Variants in SNX5 observed in about 807,000 individuals in gnomAD.
The protein encoded by SNX5 is sorting nexin-5.
Under a neutral mutation model 53.9 loss-of-function variants are expected in SNX5, and 31 were observed. The observed-to-expected ratio is 0.58, with a 90% CI of 0.43 to 0.78. SNX5 has a LOEUF of 0.78. Among genes scored for constraint, SNX5 ranks in the 30% least tolerant of loss-of-function variants. The pLI is 0.00. For synonymous variants in SNX5, 168 were observed against 171.1 expected (o/e 0.98, Z 0.14); for missense variants, 471 against 478.8 (o/e 0.98, Z 0.15).
chr20:17,954,706 T>C (rs893810592), intron 3 of SNX5, among the ~76,000 whole-genome samples: 8 of 152,156 alleles, frequency 5.3e-5, no homozygotes, highest in African/African-American at 1.9e-4. Context: ...AACTGCCTCC[T>C]TGAGCACTTT....
intron 1 of SNX5, among the ~76,000 whole-genome samples, chr20:17,965,086 T>C (rs886136314): frequency 6.6e-6 from 1 of 152,148 alleles, no homozygotes; most frequent in Non-Finnish European, 1.5e-5. Context: ...ACCTGAAAAA[T>C]TCGCAACAAG....
intron 11 of SNX5, chr20:17,945,051 CTCCT>C (rs1462618125): frequency 6.6e-6 from 1 of 152,236 alleles, no homozygotes; most frequent in Non-Finnish European, 1.5e-5. Flanking sequence ...CAGACTCACC[CTCCT>C]TCCTGTCTCT....
At chr20:17,949,743 G>C (rs918106340) in intron 8 of SNX5, among the ~76,000 whole-genome samples, 1 of 152,010 alleles carries the variant, frequency 6.6e-6, no homozygotes. Flanking sequence ...ATGTTCTCAG[G>C]ATCTCCTGAG....
intron 4 of SNX5, among the ~76,000 whole-genome samples, chr20:17,953,501 T>C (rs556196598): frequency 1.3e-5 from 2 of 152,342 alleles, no homozygotes; most frequent in South Asian, 4.1e-4. Flanking sequence ...CTATTTGGCC[T>C]GGCCCAGGGG....
intron 1 of SNX5, among the ~76,000 whole-genome samples, chr20:17,959,488 G>A (rs1334944880): frequency 1.3e-5 from 2 of 151,934 alleles, no homozygotes; most frequent in African/African-American, 2.4e-5. Context: ...ATTTTGCCCA[G>A]ACATTTCGCC....
At chr20:17,956,909 G>T in intron 2 of SNX5, 24 bp downstream of exon 2, 4 of 1,147,266 alleles carry the variant, frequency 3.5e-6, no homozygotes, top group Non-Finnish European at 5.3e-6. Flanking sequence ...AGCACTGTAT[G>T]TATTACCACT....
In SNX5 at chr20:17,948,882, C is replaced by A. The variant is rs373454509; in HGVS notation, c.918+8G>T. 5 of 1,610,586 alleles carry A rather than the reference C, an allele frequency of 3.1e-6. No homozygotes were observed. The African/African-American group carries it at 5.3e-5, about 17-fold the overall frequency. On this transcript the variant is annotated splice_region_variant and intron_variant, in intron 10 of 12. Coordinates refer to ENST00000377759, the MANE Select transcript of SNX5 (RefSeq NM_014426.4). ...CTGCTCTGAGAAGCTGAGCAACTCT[C>A]TTCCTACCTTAGCAGCTTCAATGTT...
Position 17,955,781 on chromosome 20 carries a change from CTTTTT to C in SNX5, c.157-311_157-307del, listed in dbSNP as rs142812581. Among the ~76,000 whole-genome samples, 1,371 of 152,040 alleles carry C rather than the reference CTTTTT, an allele frequency of 9.0e-3. 41 individuals carry two copies. In the East Asian group the frequency reaches 0.11, roughly 12 times the overall value. On this transcript the variant is annotated intron_variant, in intron 2 of 12. Coordinates refer to ENST00000377759, the MANE Select transcript of SNX5 (RefSeq NM_014426.4). ...AATTCTATTTTTTTGTTTCTGTGTACTTTTTTTTGTTTATATACATTTTTGGGACA... is the reference window on the plus strand; with the variant it reads ...AATTCTATTTTTTTGTTTCTGTGTACTTTGTTTATATACATTTTTGGGACA...
At chr20:17,942,912 A>AAAGG (rs1555785733) in intron 12 of SNX5, 198 bp downstream of exon 12, 84 of 464,144 alleles carry the variant, frequency 1.8e-4, no homozygotes, top group Middle Eastern at 6.0e-4. Context: ...AAAAAAAAAA[A>AAAGG]GTTGCTAAAA....
chr20:17,947,316 G>C, intron 11 of SNX5, 170 bp downstream of exon 11: 1 of 638,082 alleles, frequency 1.6e-6, no homozygotes, highest in Non-Finnish European at 2.6e-6. Context: ...ACGTTTGTAA[G>C]CACGCAAAGC....
At chr20:17,962,904 T>G (rs369110595) in intron 1 of SNX5, 10 of 518,892 alleles carry the variant, frequency 1.9e-5, no homozygotes, top group Non-Finnish European at 3.1e-5. Flanking sequence ...AGAAGGTCAG[T>G]GCAGCGCACT....
intron 1 of SNX5, among the ~76,000 whole-genome samples, chr20:17,958,098 A>C (rs910792256): frequency 4.6e-5 from 7 of 152,156 alleles, no homozygotes; most frequent in African/African-American, 1.7e-4. Flanking sequence ...AGTACATTAA[A>C]GCAGACAAGG....
chr20:17,956,781 C>T (rs2035368579), intron 2 of SNX5, 152 bp downstream of exon 2: 2 of 531,572 alleles, frequency 3.8e-6, no homozygotes, highest in Admixed American at 2.8e-5. Flanking sequence ...TCACCTGATG[C>T]TTACTGTGAG....
chr20:17,956,536 G>A (rs1348678154), intron 2 of SNX5, among the ~76,000 whole-genome samples: 5 of 152,074 alleles, frequency 3.3e-5, no homozygotes, highest in African/African-American at 7.2e-5. Context: ...TGAGCCGAGT[G>A]TGGTGGCTCA....
rs1314785774 is a variant in SNX5, at chr20:17,942,198, C to G, written c.*159G>C. 11 of 602,260 alleles carry G rather than the reference C, an allele frequency of 1.8e-5. No homozygotes were observed. The Admixed American group carries it at 3.3e-4, about 18-fold the overall frequency. 37.3% of individuals were successfully genotyped at this position (602,260 alleles called of 1,614,324 possible). ...GTAGCAAGCAATAATATTTTTAAACCAACATGGTTAAATGTTAAGATTTGT... is the reference window on the plus strand; with the variant it reads ...GTAGCAAGCAATAATATTTTTAAACGAACATGGTTAAATGTTAAGATTTGT... On this transcript the variant is annotated 3_prime_UTR_variant, in exon 13 of 13. Transcript: ENST00000377759.
intron 1 of SNX5, among the ~76,000 whole-genome samples, chr20:17,963,703 A>G (rs1465789796): frequency 6.6e-6 from 1 of 152,190 alleles, no homozygotes; most frequent in Non-Finnish European, 1.5e-5. Context: ...GTTGAAGGAC[A>G]TTTACTGCCT....
At chr20:17,950,420 A>G in intron 6 of SNX5, 24 bp from the exon 7 acceptor site, 2 of 1,373,616 alleles carry the variant, frequency 1.5e-6, no homozygotes, top group Non-Finnish European at 2.1e-6. Flanking sequence ...AAAAAGAACC[A>G]GACATTTCAT....
rs201254238 is a variant in SNX5, at chr20:17,949,103, C to A, written c.792G>T (p.Lys264Asn). ...LALEEPTVIK[K>N]YLLKVAELFE... is the part of the protein sequence containing the mutation. ...ATAGCTCAGCAACCTTCAATAGGTA[C>A]CTGGAAATGTACATATAATTTTGGT... The change falls in exon 9 of 13, where the codon AAG (lysine) becomes AAT (asparagine). Residue 264 changes from lysine to asparagine, a missense_variant and splice_region_variant. Lys to Asn is a moderately conservative substitution (Grantham distance 94). Coordinates refer to ENST00000377759, the MANE Select transcript of SNX5 (RefSeq NM_014426.4). 1.2e-6 allele frequency: 2 copies of A among 1,612,890 alleles called. No individual in the cohort carries two copies. Among genetic ancestry groups the A allele is most frequent in the East Asian group, 2.2e-5 (1 of 44,872 alleles).
intron 3 of SNX5, among the ~76,000 whole-genome samples, chr20:17,954,789 C>A (rs149542735): frequency 5.9e-5 from 9 of 152,306 alleles, no homozygotes; most frequent in African/African-American, 2.2e-4. Flanking sequence ...CGGCTTACTG[C>A]AACCTCTGCC....
Sources: allele counts gnomAD v4.1 joint callset (sites outside exome capture counted in the v4.1 genomes callset), GRCh38; gene constraint gnomAD v4.1.1; transcripts MANE v1.5; gene names NCBI Gene and HGNC (gene_info 2026-07-23, HGNC 2026-07-21).